The following EYA4 variants were observed in gnomAD, a reference collection of about 807,000 sequenced individuals.
The protein encoded by EYA4 is protein phosphatase EYA4.
In EYA4, 31 loss-of-function variants were observed where a neutral mutation model predicts 87.9. The ratio of observed to expected loss-of-function variants is 0.35; its 90% CI spans 0.27 to 0.48. EYA4 has a LOEUF of 0.48. EYA4 is among the 20% of genes least tolerant of loss of function. The pLI, the probability that EYA4 is intolerant of heterozygous loss-of-function variation, is 0.99. For synonymous variants in EYA4, 263 were observed against 270.6 expected, an observed-to-expected ratio of 0.97 and a Z score of 0.28; for missense variants, 678 against 761.4, an observed-to-expected ratio of 0.89 and a Z score of 1.29.
chr6:133,276,300 A>AT (rs1777158374), intron 2 of EYA4, among the ~76,000 whole-genome samples: 1 of 152,252 alleles, frequency 6.6e-6, no homozygotes, highest in East Asian at 1.9e-4. Flanking sequence ...GAGACTGAGG[A>AT]TTTTCTAGGG....
At position 133,253,348 on chromosome 6, in the gene EYA4, A is replaced by G. The variant is rs892659526; in HGVS notation, c.-66+11599A>G. The stretch of plus-strand genomic sequence containing the variant: ...CCAGATATTGAACGGGAAGCCTAGT[A>G]GCCCTTTAGTTACTGGAGAACGGCC... On this transcript the variant is annotated intron_variant, in intron 1 of 19. Transcript: ENST00000355286. 4.6e-5 allele frequency among the ~76,000 whole-genome samples: 7 copies of G among 152,266 alleles called. No individual in the cohort carries two copies. In the East Asian group the frequency reaches 1.2e-3, roughly 25 times the overall value.
chr6:133,247,945 A>T (rs971224068), intron 1 of EYA4: 6 of 152,296 alleles, frequency 3.9e-5, no homozygotes, highest in African/African-American at 1.4e-4. Flanking sequence ...TAAAAAACAG[A>T]CTGTCAGATA....
At chr6:133,404,587 T>A (rs1744061729) in intron 3 of EYA4, among the ~76,000 whole-genome samples, 1 of 152,010 alleles carries the variant, frequency 6.6e-6, no homozygotes, top group South Asian at 2.1e-4. Context: ...AAAACAAAAA[T>A]AATCTCTAGT....
intron 2 of EYA4, among the ~76,000 whole-genome samples, chr6:133,341,602 C>G (rs1213406040): frequency 6.6e-6 from 1 of 151,840 alleles, no homozygotes; most frequent in African/African-American, 2.4e-5. Flanking sequence ...TAACATTGAA[C>G]AGAATTTAGA....
intron 2 of EYA4, among the ~76,000 whole-genome samples, chr6:133,357,270 CAAAAAAA>C (rs754202361): frequency 3.4e-4 from 22 of 65,306 alleles, no homozygotes; most frequent in African/African-American, 1.3e-3. Context: ...GACTCCGTCT[CAAAAAAA>C]AAAAAAAAAA....
intron 2 of EYA4, among the ~76,000 whole-genome samples, chr6:133,369,268 T>C (rs1264419627): frequency 6.6e-6 from 1 of 152,166 alleles, no homozygotes; most frequent in Non-Finnish European, 1.5e-5. Context: ...TATCTGATTT[T>C]ATTATCTAAT....
intron 4 of EYA4, 72 bp downstream of exon 4, chr6:133,446,826 T>G: frequency 7.5e-7 from 1 of 1,328,428 alleles, no homozygotes; most frequent in Non-Finnish European, 1.1e-6. Context: ...CTTAGAGATC[T>G]GCTAATAAAT....
chr6:133,512,694 A>G (rs768845973), intron 14 of EYA4, 27 bp from the exon 15 acceptor site: 1 of 1,568,240 alleles, frequency 6.4e-7, no homozygotes, highest in South Asian at 1.1e-5. Flanking sequence ...TTTAGAAAAC[A>G]AATAACTTTT....
intron 2 of EYA4, among the ~76,000 whole-genome samples, chr6:133,285,028 A>C (rs1188410104): frequency 6.6e-6 from 1 of 150,430 alleles, no homozygotes; most frequent in Non-Finnish European, 1.5e-5. Context: ...ATGGAGTCTC[A>C]CTCTGTCCCC....
chr6:133,253,948 T>G (rs1214454443), intron 1 of EYA4, among the ~76,000 whole-genome samples: 1 of 152,158 alleles, frequency 6.6e-6, no homozygotes, highest in Non-Finnish European at 1.5e-5. Context: ...ATGCATATCT[T>G]TAAAGGGCAT....
chr6:133,499,094 G>A (rs1048274852), intron 13 of EYA4, among the ~76,000 whole-genome samples: 4 of 152,154 alleles, frequency 2.6e-5, no homozygotes, highest in Admixed American at 6.6e-5. Flanking sequence ...GCAACCTTCT[G>A]TAACCTGCCC....
At chr6:133,299,834 GATC>G (rs1582888704) in intron 2 of EYA4, among the ~76,000 whole-genome samples, 1 of 151,246 alleles carries the variant, frequency 6.6e-6, no homozygotes, top group East Asian at 1.9e-4. Flanking sequence ...TTTATATGAT[GATC>G]ATGTTAAGAT....
rs560728914 is a variant in EYA4, at chr6:133,340,969, C to T, written c.34-41423C>T. On this transcript the variant is annotated intron_variant, in intron 2 of 19. Transcript: ENST00000355286. Reference sequence around the variant, plus strand: ...ATGTATTCTGAAGATTTAGCCAACACGGCTTGCTAATGGACTGGATTTTAA... The same window carrying T: ...ATGTATTCTGAAGATTTAGCCAACATGGCTTGCTAATGGACTGGATTTTAA... Among the ~76,000 whole-genome samples, 3 of 152,282 alleles carry T rather than the reference C, an allele frequency of 2.0e-5. No homozygotes were observed. The South Asian group carries it at 6.2e-4, about 32-fold the overall frequency.
intron 2 of EYA4, among the ~76,000 whole-genome samples, chr6:133,339,612 A>G (rs1468679453): frequency 6.6e-6 from 1 of 152,210 alleles, no homozygotes; most frequent in East Asian, 1.9e-4. Context: ...AAGGATGACC[A>G]TGGATTCTTG....
intron 2 of EYA4, among the ~76,000 whole-genome samples, chr6:133,299,728 A>G (rs1779223230): frequency 7.8e-6 from 1 of 127,774 alleles, no homozygotes; most frequent in Non-Finnish European, 1.6e-5. Context: ...ATAAAATAAA[A>G]TAAAATAAAA....
rs1003261017 is a variant in EYA4, at chr6:133,274,643, A to T, written c.-65-73A>T. 5.4e-6 allele frequency: 4 copies of T among 747,404 alleles called. No individual in the cohort carries two copies. The Admixed American group carries it at 6.4e-5, about 12-fold the overall frequency. 46.3% of individuals were successfully genotyped at this position (747,404 alleles called of 1,614,324 possible). ...TTACTAATTACCATGCTATGTCTTGATATGTTTTTGTAACCTTACAAATGA... is the reference window on the plus strand; with the variant it reads ...TTACTAATTACCATGCTATGTCTTGTTATGTTTTTGTAACCTTACAAATGA... On this transcript the variant is annotated intron_variant, in intron 1 of 19. Transcript: ENST00000355286.
chr6:133,379,380 A>T (rs911106427), intron 2 of EYA4, among the ~76,000 whole-genome samples: 1 of 151,998 alleles, frequency 6.6e-6, no homozygotes, highest in African/African-American at 2.4e-5. Flanking sequence ...AATTAGGTAA[A>T]ACTATCCATT....
intron 2 of EYA4, among the ~76,000 whole-genome samples, chr6:133,285,145 C>T (rs1435864752): frequency 8.6e-5 from 13 of 150,424 alleles, no homozygotes; most frequent in African/African-American, 2.2e-4. Context: ...TACAGGCACC[C>T]GCCACCACGC....
intron 3 of EYA4, among the ~76,000 whole-genome samples, chr6:133,398,933 G>A (rs1455270954): frequency 1.3e-5 from 2 of 152,210 alleles, no homozygotes; most frequent in African/African-American, 4.8e-5. Context: ...TTTGTTGAAA[G>A]ATTAATCATA....
Sources: allele counts gnomAD v4.1 joint callset (sites outside exome capture counted in the v4.1 genomes callset), GRCh38; gene constraint gnomAD v4.1.1; transcripts MANE v1.5; gene names NCBI Gene and HGNC (gene_info 2026-07-23, HGNC 2026-07-21).